SLC9A9: variants seen among roughly 807,000 people sequenced by gnomAD.
SLC9A9 encodes the protein sodium/hydrogen exchanger 9.
A neutral mutation model predicts 77.8 loss-of-function variants in SLC9A9; 62 were observed. The ratio of observed to expected loss-of-function variants is 0.80; its 90% CI spans 0.65 to 0.98. SLC9A9 has a LOEUF of 0.98. SLC9A9 is among the 50% of genes least tolerant of loss of function. The probability of loss-of-function intolerance (pLI) is 0.00; values close to 1 mark genes in which losing one functional copy is unlikely to be tolerated. For missense variants in SLC9A9, 775 were observed against 774.9 expected (o/e 1.00, Z 0.00); for synonymous variants, 320 against 283.5 (o/e 1.13, Z -1.29).
intron 2 of SLC9A9, among the ~76,000 whole-genome samples, chr3:143,815,591 C>T (rs62268879): frequency 0.3 from 45,228 of 151,456 alleles, 6,888 homozygotes; most frequent in South Asian, 0.38. Flanking sequence ...ATCCGCCGGG[C>T]GCAGTGGCTC....
At chr3:143,552,683 A>G (rs1026949316) in intron 8 of SLC9A9, among the ~76,000 whole-genome samples, 9 of 152,210 alleles carry the variant, frequency 5.9e-5, no homozygotes, top group Non-Finnish European at 8.8e-5. Context: ...CTAAATAAAC[A>G]TGAGAAGTAG....
At chr3:143,534,717 G>C (rs1162155714) in intron 9 of SLC9A9, among the ~76,000 whole-genome samples, 1 of 152,196 alleles carries the variant, frequency 6.6e-6, no homozygotes, top group Non-Finnish European at 1.5e-5. Flanking sequence ...AATGACCCAA[G>C]TGGGTGCTAG....
At chr3:143,328,378 TTGA>T (rs2031665307) in intron 14 of SLC9A9, among the ~76,000 whole-genome samples, 2 of 152,240 alleles carry the variant, frequency 1.3e-5, no homozygotes, top group South Asian at 2.1e-4. Flanking sequence ...TTTCAGATAT[TTGA>T]TGATATCAAA....
intron 5 of SLC9A9, among the ~76,000 whole-genome samples, chr3:143,658,449 C>T (rs1268874394): frequency 6.6e-6 from 1 of 152,196 alleles, no homozygotes; most frequent in Non-Finnish European, 1.5e-5. Flanking sequence ...ATGCAATAAC[C>T]AGCTGATTCT....
At chr3:143,555,442 C>T (rs181461949) in intron 8 of SLC9A9, among the ~76,000 whole-genome samples, 3 of 152,274 alleles carry the variant, frequency 2.0e-5, no homozygotes, top group Admixed American at 2.0e-4. Context: ...ATGATTAGAG[C>T]AGTACCAGGC....
At chr3:143,799,801 G>A (rs1244782502) in intron 2 of SLC9A9, among the ~76,000 whole-genome samples, 1 of 152,104 alleles carries the variant, frequency 6.6e-6, no homozygotes, top group African/African-American at 2.4e-5. Context: ...AGACCATCAC[G>A]AACACCGAGC....
chr3:143,466,606 T>G (rs1019982404), intron 12 of SLC9A9, among the ~76,000 whole-genome samples: 3 of 152,222 alleles, frequency 2.0e-5, no homozygotes, highest in Admixed American at 2.0e-4. Flanking sequence ...TGTCCCTGTT[T>G]CTGTTGTAAG....
At chr3:143,689,090 C>G (rs974031318) in intron 5 of SLC9A9, among the ~76,000 whole-genome samples, 1 of 151,858 alleles carries the variant, frequency 6.6e-6, no homozygotes, top group East Asian at 1.9e-4. Context: ...TGGATAAACC[C>G]CCCAAGTTTT....
chr3:143,397,345 A>G (rs1274640156), intron 12 of SLC9A9, among the ~76,000 whole-genome samples: 8 of 152,308 alleles, frequency 5.3e-5, no homozygotes, highest in African/African-American at 1.9e-4. Flanking sequence ...TTAAAATTCT[A>G]GTGTTACTGG....
rs151090560 is a variant in SLC9A9 at position 143,472,994 on chromosome 3, A to T, written c.1316-5804T>A. Among the ~76,000 whole-genome samples the T allele has an allele frequency of 4.7e-3, 657 of 140,084 alleles. 6 individuals carry two copies. Among genetic ancestry groups the T allele is most frequent in the South Asian group, 0.014 (61 of 4,254 alleles). The allele number at this position is 140,084 out of a possible 152,430, so 91.9% of individuals were successfully genotyped here. ...ACCTCATCTCCAAATGGAGGTTTAC[A>T]ACTAGACTTGTGTTTTTTTTTTTTT... On this transcript the variant is annotated intron_variant, in intron 11 of 15. Coordinates refer to ENST00000316549, the MANE Select transcript of SLC9A9 (RefSeq NM_173653.4).
chr3:143,659,268 C>G (rs540252065), intron 5 of SLC9A9, among the ~76,000 whole-genome samples: 1 of 152,022 alleles, frequency 6.6e-6, no homozygotes, highest in East Asian at 1.9e-4. Context: ...CAAAAAAAAT[C>G]AAACACCAAA....
At chr3:143,833,478 T>C (rs1229146322) in intron 1 of SLC9A9, among the ~76,000 whole-genome samples, 2 of 152,204 alleles carry the variant, frequency 1.3e-5, no homozygotes, top group Non-Finnish European at 2.9e-5. Flanking sequence ...CTTTGAATTA[T>C]GCAAAGCTTG....
chr3:143,822,205 T>C (rs532127706), intron 2 of SLC9A9, among the ~76,000 whole-genome samples: 20 of 152,156 alleles, frequency 1.3e-4, no homozygotes, highest in Admixed American at 9.8e-4. Flanking sequence ...TTCATTTCTC[T>C]CTCTACCCAC....
rs542670603 is a variant in SLC9A9 at position 143,491,158 on chromosome 3, C to T, written c.1315+2495G>A. ...ATGCTCAGTATGGAAAACACTGGGT[C>T]GCATTCTCTGGACATCAGAGTCATA... is the stretch of plus-strand genomic sequence containing the variant. On this transcript the variant is annotated intron_variant, in intron 11 of 15. Transcript: ENST00000316549. Among the ~76,000 whole-genome samples the T allele has an allele frequency of 5.3e-5, 8 of 152,216 alleles. No homozygotes were observed. The East Asian group carries it at 7.7e-4, about 15-fold the overall frequency.
chr3:143,288,927 C>A (rs1007873604), intron 14 of SLC9A9, among the ~76,000 whole-genome samples: 1 of 152,180 alleles, frequency 6.6e-6, no homozygotes, highest in African/African-American at 2.4e-5. Context: ...GATCCCATTG[C>A]CCCCTGCTTC....
intron 12 of SLC9A9, among the ~76,000 whole-genome samples, chr3:143,383,421 C>T (rs1010958619): frequency 6.6e-6 from 1 of 151,044 alleles, no homozygotes. Context: ...TTAGTTGGAT[C>T]CCCCAAATGC....
At chr3:143,459,640 C>G in intron 12 of SLC9A9, among the ~76,000 whole-genome samples, 1 of 152,140 alleles carries the variant, frequency 6.6e-6, no homozygotes, top group East Asian at 1.9e-4. Context: ...GCATATACAG[C>G]CTAATTTTGA....
chr3:143,481,874 T>A (rs1244741041), intron 11 of SLC9A9, among the ~76,000 whole-genome samples: 3 of 152,206 alleles, frequency 2.0e-5, no homozygotes, highest in Non-Finnish European at 4.4e-5. Flanking sequence ...TGGATTCTTA[T>A]TTCTAGGCAC....
chr3:143,567,017 T>C (rs2037180058), intron 8 of SLC9A9, among the ~76,000 whole-genome samples: 1 of 152,150 alleles, frequency 6.6e-6, no homozygotes, highest in African/African-American at 2.4e-5. Context: ...ATTTTCAATA[T>C]TCATTTAAAA....
Sources: allele counts gnomAD v4.1 joint callset (sites outside exome capture counted in the v4.1 genomes callset), GRCh38; gene constraint gnomAD v4.1.1; transcripts MANE v1.5; gene names NCBI Gene and HGNC (gene_info 2026-07-23, HGNC 2026-07-21).